RIF1: variants seen among roughly 807,000 people sequenced by gnomAD.
The protein encoded by RIF1 is telomere-associated protein RIF1.
A neutral mutation model predicts 247.1 loss-of-function variants in RIF1; 45 were observed. That is an observed-to-expected ratio of 0.18 (90% CI 0.14 to 0.23). RIF1 has a LOEUF of 0.23. RIF1 is among the 10% of genes least tolerant of loss of function. The pLI, the probability that RIF1 is intolerant of heterozygous loss-of-function variation, is 1.00. For synonymous variants in RIF1, 1,087 were observed against 978.8 expected (o/e 1.11, Z -2.06); for missense variants, 2,967 against 2,862.5 (o/e 1.04, Z -0.83).
chr2:151,461,033 A>G (rs931036630), intron 26 of RIF1, 105 bp from the exon 27 acceptor site: 2 of 1,037,132 alleles, frequency 1.9e-6, no homozygotes, highest in Non-Finnish European at 2.9e-6. Context: ...CAACTTTCAT[A>G]ATCACTATTG....
In RIF1 at chr2:151,446,387, A is replaced by T. The variant is rs375217870; in HGVS notation, c.2095-39A>T. On this transcript the variant is annotated intron_variant, in intron 19 of 35. Transcript: ENST00000444746. ...ATTCTATAAACTTTGATAGATAGGTATATATTAACAAAACTTCTTTTTTTG... is the reference window on the plus strand; with the variant it reads ...ATTCTATAAACTTTGATAGATAGGTTTATATTAACAAAACTTCTTTTTTTG... 2.2e-5 allele frequency: 35 copies of T among 1,559,460 alleles called. No homozygotes were observed. In the African/African-American group the frequency reaches 4.4e-4, roughly 19 times the overall value.
At chr2:151,430,232 A>G (rs1689838456) in intron 9 of RIF1, among the ~76,000 whole-genome samples, 1 of 152,050 alleles carries the variant, frequency 6.6e-6, no homozygotes, top group Admixed American at 6.6e-5. Flanking sequence ...CGTGTTAGCC[A>G]GGATGGTCTT....
intron 34 of RIF1, 64 bp from the exon 35 acceptor site, chr2:151,473,900 A>G (rs2048771462): frequency 1.2e-6 from 1 of 846,516 alleles, no homozygotes; most frequent in Non-Finnish European, 2.0e-6. Context: ...CTCCTATTAA[A>G]AGTAAAGTTT....
At chr2:151,484,020 T>C (rs1427089363), downstream of RIF1, among the ~76,000 whole-genome samples, 3 of 152,234 alleles carry the variant, frequency 2.0e-5, no homozygotes, top group Non-Finnish European at 4.4e-5. Context: ...AATGTAAATG[T>C]ATGTAAATAT....
At chr2:151,486,947 G>T (rs1321348480), downstream of RIF1, among the ~76,000 whole-genome samples, 3 of 152,162 alleles carry the variant, frequency 2.0e-5, no homozygotes, top group Non-Finnish European at 4.4e-5. Flanking sequence ...TTATGGTGAT[G>T]AAAGTATTCT....
chr2:151,473,981 A>G lies in RIF1; in HGVS notation c.7113A>G (p.Leu2371=), dbSNP rs770655881. 1.3e-6 allele frequency: 2 copies of G among 1,581,572 alleles called. No homozygotes were observed. Among genetic ancestry groups the G allele is most frequent in the South Asian group, 1.1e-5 (1 of 88,842 alleles). ...TAATCAAGGTGAAGACTCGTGGACTAGAAGAGATTCCAGTTTTTGATATTT... is the reference window on the plus strand; with the variant it reads ...TAATCAAGGTGAAGACTCGTGGACTGGAAGAGATTCCAGTTTTTGATATTT... The part of the protein sequence containing the change: ...YHEQQVKTRG[L]EEIPVFDISE... The change falls in exon 35 of 36, where the codon CTA becomes CTG. Residue 2371 remains leucine, a synonymous_variant. Coordinates refer to ENST00000444746, the MANE Select transcript of RIF1 (RefSeq NM_018151.5).
downstream of RIF1, among the ~76,000 whole-genome samples, chr2:151,511,492 C>T: frequency 6.6e-6 from 1 of 152,092 alleles, no homozygotes; most frequent in East Asian, 1.9e-4. Context: ...AATAGATTTC[C>T]AGAGCCTACC....
intron 13 of RIF1, chr2:151,506,899 G>GT: frequency 1.3e-6 from 2 of 1,555,110 alleles, no homozygotes; most frequent in Non-Finnish European, 1.8e-6. Context: ...AAAATAAATA[G>GT]TAAATATACC....
chr2:151,512,659 G>A (rs1204171005), downstream of RIF1: 18 of 1,045,968 alleles, frequency 1.7e-5, no homozygotes, highest in East Asian at 3.7e-4. Flanking sequence ...ATCTCTTAAG[G>A]TATTTATTAA....
chr2:151,454,971 T>C lies in RIF1; in HGVS notation c.2421T>C (p.Ile807=), dbSNP rs1694951251. ...LGKLTSLFKL[I]VKVIYSFHTL... is the part of the protein sequence containing the mutation. The stretch of plus-strand genomic sequence containing the variant: ...AATTGACTTCTTTATTTAAACTTAT[T>C]GTGAAAGTGATCTATTCTTTCCACA... Residue 807 remains isoleucine, a synonymous_variant, in exon 22 of 36, where the codon ATT becomes ATC. Transcript: ENST00000444746. The C allele has an allele frequency of 1.9e-6, 3 of 1,613,482 alleles. No homozygotes were observed. The highest frequency in any genetic ancestry group is 1.3e-5 in the African/African-American group (1 of 74,898).
exon 14 of RIF1, chr2:151,507,806 G>C: frequency 1.8e-6 from 1 of 547,362 alleles, no homozygotes; most frequent in East Asian, 2.8e-5. Flanking sequence ...CGAAGTAACA[G>C]ATGAGTCTTT....
intron 10 of RIF1, among the ~76,000 whole-genome samples, chr2:151,496,026 G>A (rs1198666304): frequency 1.3e-5 from 2 of 152,204 alleles, no homozygotes; most frequent in Non-Finnish European, 2.9e-5. Context: ...TAAGTTTGGA[G>A]AGAGAGAAGC....
the RIF1 span, among the ~76,000 whole-genome samples, chr2:151,514,597 A>C: frequency 6.6e-6 from 1 of 152,260 alleles, no homozygotes; most frequent in Non-Finnish European, 1.5e-5. Flanking sequence ...TTAAATATCA[A>C]ATGAAAGCTT....
At chr2:151,525,189 T>C in the RIF1 span, 1 of 1,613,900 alleles carries the variant, frequency 6.2e-7, no homozygotes. Flanking sequence ...GCCACTTCCA[T>C]AGCATGTTTC....
At chr2:151,458,689 C>T (rs181772071) in intron 24 of RIF1, 122 bp from the exon 25 acceptor site, 226 of 473,268 alleles carry the variant, frequency 4.8e-4, no homozygotes, top group Middle Eastern at 2.2e-3. Flanking sequence ...AAGGAACAGT[C>T]TTTATTTAAA....
intron 17 of RIF1, 22 bp from the exon 18 acceptor site, chr2:151,443,507 T>G (rs769869810): frequency 1.5e-5 from 23 of 1,535,852 alleles, no homozygotes; most frequent in Non-Finnish European, 2.0e-5. Flanking sequence ...AGTTGATGCA[T>G]TTTTTATAAT....
rs1037388276 is a variant in RIF1 at position 151,498,261 on chromosome 2, G to A, written c.*514-1084G>A. ...TTTTCCCCTTTCTTTCCAAAATACC[G>A]AGCTAAGGTTTTCTTGATTGTGTTT... On this transcript the variant is annotated intron_variant and NMD_transcript_variant, in intron 10 of 13. Coordinates refer to the RIF1 transcript ENST00000454583. The A allele has an allele frequency of 8.4e-6, 13 of 1,551,042 alleles. No homozygotes were observed. The highest frequency in any genetic ancestry group is 5.5e-5 in the African/African-American group (4 of 72,982).
intron 10 of RIF1, chr2:151,498,114 T>C (rs1304020665): frequency 4.6e-6 from 7 of 1,507,088 alleles, no homozygotes; most frequent in Non-Finnish European, 6.2e-6. Context: ...AACTGTATTA[T>C]AGAAATGGGA....
In RIF1 at chr2:151,411,287, A is replaced by G; in HGVS notation, c.132A>G (p.Glu44=). The change falls in exon 3 of 36, where the codon GAA becomes GAG. Residue 44 remains glutamate (E), a synonymous_variant. Coordinates refer to ENST00000444746, the MANE Select transcript of RIF1 (RefSeq NM_018151.5). The stretch of plus-strand genomic sequence containing the variant: ...GTATGACTGGAGAAGAAGGAAAAGA[A>G]GTAATTACAGAAATTGAGAAAAAAC... ...TSRMTGEEGK[E]VITEIEKKLP... 1 of 1,605,060 alleles carries G rather than the reference A, an allele frequency of 6.2e-7. No individual in the cohort carries two copies. Among genetic ancestry groups the G allele is most frequent in the Non-Finnish European group, 8.5e-7 (1 of 1,173,922 alleles).
Sources: allele counts gnomAD v4.1 joint callset (sites outside exome capture counted in the v4.1 genomes callset), GRCh38; gene constraint gnomAD v4.1.1; transcripts MANE v1.5; gene names NCBI Gene and HGNC (gene_info 2026-07-23, HGNC 2026-07-21).